ARMC10: variants seen among roughly 807,000 people sequenced by gnomAD.
The protein encoded by ARMC10 is armadillo repeat-containing protein 10.
In ARMC10, 23 loss-of-function variants were observed where a neutral mutation model predicts 30.2. That is an observed-to-expected ratio of 0.76 (90% CI 0.55 to 1.08). ARMC10 has a LOEUF of 1.08. Among genes scored for constraint, ARMC10 ranks in the 50% least tolerant of loss-of-function variants. ARMC10 has a pLI of 0.00. For missense variants in ARMC10, 303 were observed against 413.7 expected (o/e 0.73, Z 2.32); for synonymous variants, 111 against 164.4 (o/e 0.68, Z 2.48).
chr7:103,086,005 T>C (rs1004126903), intron 3 of ARMC10, among the ~76,000 whole-genome samples: 2 of 152,174 alleles, frequency 1.3e-5, no homozygotes, highest in African/African-American at 4.8e-5. Flanking sequence ...ATGACCCTTT[T>C]TTTGTGTTTA....
intron 4 of ARMC10, 119 bp from the exon 5 acceptor site, chr7:103,092,358 T>C: frequency 2.0e-6 from 1 of 510,892 alleles, no homozygotes; most frequent in South Asian, 7.1e-5. Flanking sequence ...AAAAGTCGTA[T>C]TTTTTGAGGA....
intron 4 of ARMC10, among the ~76,000 whole-genome samples, chr7:103,090,412 AAC>A (rs1171662329): frequency 6.6e-6 from 1 of 152,240 alleles, no homozygotes; most frequent in Non-Finnish European, 1.5e-5. Flanking sequence ...CTGTAATCCC[AAC>A]ACTTGGGAGC....
intron 2 of ARMC10, chr7:103,082,052 C>A: frequency 2.7e-6 from 1 of 364,094 alleles, no homozygotes; most frequent in East Asian, 7.3e-5. Context: ...ACCCCAAATT[C>A]TTTCCGTTCT....
At chr7:103,090,728 TA>T (rs34277044) in intron 4 of ARMC10, among the ~76,000 whole-genome samples, 11 of 140,888 alleles carry the variant, frequency 7.8e-5, no homozygotes, top group African/African-American at 1.1e-4. Flanking sequence ...AACCCATTTC[TA>T]AAAAAAAAAA....
At chr7:103,094,466 A>T (rs1801607011) in intron 5 of ARMC10, among the ~76,000 whole-genome samples, 1 of 152,242 alleles carries the variant, frequency 6.6e-6, no homozygotes, top group African/African-American at 2.4e-5. Flanking sequence ...GCAACATCAG[A>T]TTTTAATACA....
At chr7:103,097,941 T>C (rs576467812) in intron 6 of ARMC10, among the ~76,000 whole-genome samples, 1 of 152,210 alleles carries the variant, frequency 6.6e-6, no homozygotes, top group Non-Finnish European at 1.5e-5. Flanking sequence ...GGGCACTAAA[T>C]GTTTGATGAA....
At chr7:103,095,081 C>T (rs1225465915) in intron 5 of ARMC10, among the ~76,000 whole-genome samples, 1 of 152,098 alleles carries the variant, frequency 6.6e-6, no homozygotes, top group African/African-American at 2.4e-5. Context: ...GCATAAAAGA[C>T]CAAAAAGAAA....
Position 103,075,218 on chromosome 7 carries a change from G to T in ARMC10, c.-55G>T. On this transcript the variant is annotated 5_prime_UTR_variant, in exon 1 of 7. Transcript: ENST00000323716. ...GCGTGCGCTGGAGACCTCCGCGCTGGCCCCCGCGAGCCTCCTGCCCTGGCC... is the reference window on the plus strand; with the variant it reads ...GCGTGCGCTGGAGACCTCCGCGCTGTCCCCCGCGAGCCTCCTGCCCTGGCC... 1 of 1,128,254 alleles carries T rather than the reference G, an allele frequency of 8.9e-7. No homozygotes were observed. The highest frequency in any genetic ancestry group is 1.1e-6 in the Non-Finnish European group (1 of 921,076). 69.9% of individuals were successfully genotyped at this position (1,128,254 alleles called of 1,614,324 possible).
At chr7:103,093,164 T>C (rs1014757897) in intron 5 of ARMC10, among the ~76,000 whole-genome samples, 1 of 152,352 alleles carries the variant, frequency 6.6e-6, no homozygotes, top group Non-Finnish European at 1.5e-5. Flanking sequence ...ATAAAAAGTT[T>C]CTTAAGTAAA....
chr7:103,077,416 G>A (rs1388564451), intron 2 of ARMC10, among the ~76,000 whole-genome samples: 2 of 152,050 alleles, frequency 1.3e-5, no homozygotes, highest in Non-Finnish European at 2.9e-5. Flanking sequence ...AGTTATGGAA[G>A]CTGAGAAGTC....
At chr7:103,079,375 C>T (rs1045005410) in intron 2 of ARMC10, among the ~76,000 whole-genome samples, 1 of 152,178 alleles carries the variant, frequency 6.6e-6, no homozygotes, top group East Asian at 1.9e-4. Context: ...TAAAAACTTG[C>T]AGCAAGTAAG....
At chr7:103,094,309 T>C (rs1285766024) in intron 5 of ARMC10, among the ~76,000 whole-genome samples, 1 of 152,226 alleles carries the variant, frequency 6.6e-6, no homozygotes, top group African/African-American at 2.4e-5. Flanking sequence ...TGTCCTAGTG[T>C]CACCACAAGA....
chr7:103,081,112 T>C (rs1236491196), intron 2 of ARMC10, among the ~76,000 whole-genome samples: 1 of 152,234 alleles, frequency 6.6e-6, no homozygotes, highest in Non-Finnish European at 1.5e-5. Flanking sequence ...TAGGCACTAT[T>C]AACTCCCACT....
intron 2 of ARMC10, among the ~76,000 whole-genome samples, chr7:103,076,499 C>T (rs1482684513): frequency 6.6e-6 from 1 of 152,174 alleles, no homozygotes; most frequent in East Asian, 1.9e-4. Context: ...TTAAGAAAGT[C>T]TTTCTTGGGC....
chr7:103,091,761 G>A lies in ARMC10; in HGVS notation c.529-716G>A, dbSNP rs76113176. Among the ~76,000 whole-genome samples, 955 of 152,286 alleles carry A rather than the reference G, an allele frequency of 6.3e-3. 5 individuals are homozygous for A. Among genetic ancestry groups the A allele is most frequent in the Non-Finnish European group, 9.4e-3 (638 of 68,026 alleles). On this transcript the variant is annotated intron_variant, in intron 4 of 6. Transcript: ENST00000323716. The stretch of plus-strand genomic sequence containing the variant: ...TGAAACCGAAAGGTGGACTAAGATG[G>A]GAGGCCTCCAACCAGGGAGAAGCCA...
At chr7:103,092,034 T>C (rs1585774514) in intron 4 of ARMC10, among the ~76,000 whole-genome samples, 1 of 152,266 alleles carries the variant, frequency 6.6e-6, no homozygotes, top group Non-Finnish European at 1.5e-5. Flanking sequence ...GAGGGCCAGA[T>C]AGAAATTTCA....
intron 3 of ARMC10, chr7:103,084,031 TC>T: frequency 6.6e-7 from 1 of 1,508,380 alleles, no homozygotes; most frequent in Non-Finnish European, 8.9e-7. Flanking sequence ...TGATTATAGA[TC>T]CCTATGAAGT....
At chr7:103,075,541 A>T in intron 1 of ARMC10, 130 bp downstream of exon 1, 1 of 1,059,086 alleles carries the variant, frequency 9.4e-7, no homozygotes, top group Non-Finnish European at 1.2e-6. Flanking sequence ...TACTTGTGTG[A>T]GTGCAGGGTG....
At chr7:103,092,691 A>T in intron 5 of ARMC10, 38 bp downstream of exon 5, 1 of 1,422,988 alleles carries the variant, frequency 7.0e-7, no homozygotes, top group Non-Finnish European at 9.5e-7. Context: ...TTAACATTGA[A>T]ATAGTATTTG....
Sources: gnomAD v4.1 joint callset for allele counts (sites outside exome capture counted in the v4.1 genomes callset) on GRCh38, gnomAD v4.1.1 for gene constraint, MANE v1.5 for transcripts, NCBI Gene and HGNC (gene_info 2026-07-23, HGNC 2026-07-21) for gene names.